SOX5: variants seen among roughly 807,000 people sequenced by gnomAD.
SOX5 encodes transcription factor SOX-5.
A neutral mutation model predicts 92.0 loss-of-function variants in SOX5; 9 were observed. That is an observed-to-expected ratio of 0.10 (90% CI 0.06 to 0.17). SOX5 has a LOEUF of 0.17. SOX5 is among the 10% of genes least tolerant of loss of function. SOX5 has a pLI of 1.00. For missense variants in SOX5, 642 were observed against 944.5 expected (o/e 0.68, Z 4.20); for synonymous variants, 344 against 336.3 (o/e 1.02, Z -0.25).
At chr12:24,484,660 G>A (rs541392800) in intron 1 of SOX5, among the ~76,000 whole-genome samples, 7 of 152,202 alleles carry the variant, frequency 4.6e-5, no homozygotes, top group African/African-American at 1.7e-4. Context: ...TTCCCAGTGG[G>A]AATTAACATT....
intron 5 of SOX5, among the ~76,000 whole-genome samples, chr12:23,739,685 A>G (rs1211359212): frequency 3.9e-5 from 6 of 152,140 alleles, no homozygotes; most frequent in Admixed American, 1.3e-4. Context: ...TACCACTGTA[A>G]ATTAAGGCCT....
At chr12:24,326,159 T>C (rs1467722764) in intron 2 of SOX5, among the ~76,000 whole-genome samples, 2 of 152,148 alleles carry the variant, frequency 1.3e-5, no homozygotes, top group Admixed American at 1.3e-4. Flanking sequence ...GGGTACCTAG[T>C]AAAACATTTG....
intron 8 of SOX5, 92 bp from the exon 9 acceptor site, chr12:23,604,625 T>A: frequency 7.9e-7 from 1 of 1,266,962 alleles, no homozygotes; most frequent in East Asian, 2.4e-5. Flanking sequence ...AGATATGGTA[T>A]TTTTCCTATG....
intron 8 of SOX5, among the ~76,000 whole-genome samples, chr12:23,636,258 C>A (rs1440185274): frequency 6.6e-6 from 1 of 152,062 alleles, no homozygotes; most frequent in Admixed American, 6.6e-5. Context: ...CATTAAATAA[C>A]AAATATATAT....
chr12:23,715,443 C>A (rs561380194), intron 6 of SOX5, among the ~76,000 whole-genome samples: 1 of 152,194 alleles, frequency 6.6e-6, no homozygotes, highest in East Asian at 1.9e-4. Context: ...AATAGAGAAA[C>A]TTAATGTTTA....
intron 1 of SOX5, among the ~76,000 whole-genome samples, chr12:24,536,308 C>CTAGCACA (rs1845650333): frequency 6.6e-6 from 1 of 152,188 alleles, no homozygotes; most frequent in Non-Finnish European, 1.5e-5. Context: ...GGGGAACCAG[C>CTAGCACA]AGTGTGCTAG....
intron 1 of SOX5, among the ~76,000 whole-genome samples, chr12:24,554,772 G>T (rs529377985): frequency 1.3e-5 from 2 of 152,170 alleles, no homozygotes; most frequent in African/African-American, 4.8e-5. Context: ...GTCTGACTGA[G>T]TCTAAATGAC....
intron 1 of SOX5, among the ~76,000 whole-genome samples, chr12:24,426,946 C>A (rs189359549): frequency 3.3e-5 from 5 of 152,122 alleles, no homozygotes; most frequent in Admixed American, 3.3e-4. Context: ...TGCCCTACTA[C>A]CCAAGCACCT....
At chr12:24,263,527 C>CAAAAAAAAAAAAAAA (rs386375915) in intron 3 of SOX5, among the ~76,000 whole-genome samples, 4 of 63,224 alleles carry the variant, frequency 6.3e-5, no homozygotes, top group African/African-American at 6.1e-5. Context: ...GACTCCGTCT[C>CAAAAAAAAAAAAAAA]AAAAAAAAAA....
At position 24,277,215 on chromosome 12, in the gene SOX5, C is replaced by T. The variant is rs567486546; in HGVS notation, c.-77+1G>A. 2.6e-5 allele frequency: 4 copies of T among 151,632 alleles called. No individual in the cohort carries two copies. Among genetic ancestry groups the T allele is most frequent in the Admixed American group, 6.6e-5 (1 of 15,220 alleles). 9.4% of individuals were successfully genotyped at this position (151,632 alleles called of 1,614,324 possible). A position where few individuals can be genotyped will look rare whatever the true frequency, so the allele number is the denominator to read the frequency against. ...TGTTATTATGTGTTTTATGAATATA[C>T]CTTTTTCCTACCCAGTGCAGTGCCA... On this transcript the variant is annotated splice_donor_variant, in intron 3 of 4. Transcript: ENST00000446891. LOFTEE classifies it low-confidence loss of function (5UTR_SPLICE).
chr12:23,606,212 T>C (rs1301287656), intron 8 of SOX5, among the ~76,000 whole-genome samples: 1 of 151,872 alleles, frequency 6.6e-6, no homozygotes, highest in Non-Finnish European at 1.5e-5. Flanking sequence ...TCCTAGGATA[T>C]CACTTTACAG....
chr12:24,320,714 A>G (rs1950127145), intron 2 of SOX5, among the ~76,000 whole-genome samples: 1 of 151,808 alleles, frequency 6.6e-6, no homozygotes, highest in Non-Finnish European at 1.5e-5. Context: ...AAATACAAAA[A>G]ATTAGCAGGG....
intron 4 of SOX5, among the ~76,000 whole-genome samples, chr12:24,012,022 G>A (rs978173887): frequency 1.3e-5 from 2 of 152,060 alleles, no homozygotes; most frequent in Non-Finnish European, 2.9e-5. Flanking sequence ...AACAGTTAGA[G>A]GTCCATGCGT....
chr12:23,801,389 T>C (rs1199932087), intron 3 of SOX5, among the ~76,000 whole-genome samples: 3 of 149,282 alleles, frequency 2.0e-5, no homozygotes, highest in African/African-American at 7.7e-5. Flanking sequence ...AAACCTGCAG[T>C]TTTTTAAAGG....
At chr12:23,785,348 G>A (rs896108891) in intron 3 of SOX5, among the ~76,000 whole-genome samples, 1 of 152,054 alleles carries the variant, frequency 6.6e-6, no homozygotes, top group East Asian at 1.9e-4. Context: ...TTGGTTTGTT[G>A]TTATAGGATT....
intron 2 of SOX5, among the ~76,000 whole-genome samples, chr12:24,366,503 C>CTGAA (rs1956184963): frequency 6.6e-6 from 1 of 152,110 alleles, no homozygotes; most frequent in Admixed American, 6.6e-5. Flanking sequence ...AAGTCAGAGA[C>CTGAA]TGAAGCTGTA....
At chr12:24,263,277 C>T (rs1305912195) in intron 3 of SOX5, among the ~76,000 whole-genome samples, 1 of 151,738 alleles carries the variant, frequency 6.6e-6, no homozygotes, top group Non-Finnish European at 1.5e-5. Flanking sequence ...CCTGTAATCC[C>T]AGCACTTTGG....
At position 23,875,026 on chromosome 12, in the gene SOX5, C is replaced by T. The variant is rs80275756; in HGVS notation, c.270+20767G>A. Among the ~76,000 whole-genome samples, 792 of 152,268 alleles carry T rather than the reference C, an allele frequency of 5.2e-3. 4 individuals are homozygous for T. Among genetic ancestry groups the T allele is most frequent in the Non-Finnish European group, 8.4e-3 (571 of 68,020 alleles). The stretch of plus-strand genomic sequence containing the variant: ...AATTTAAGAATAGGTCTTCAACTTC[C>T]ATTGTGTTTCCTAGTGCTGGCCCAA... On this transcript the variant is annotated intron_variant, in intron 2 of 14. Coordinates refer to ENST00000451604, the MANE Select transcript of SOX5 (RefSeq NM_006940.6).
chr12:23,691,744 T>C (rs2088857667), intron 6 of SOX5, among the ~76,000 whole-genome samples: 1 of 152,206 alleles, frequency 6.6e-6, no homozygotes, highest in Non-Finnish European at 1.5e-5. Context: ...TATGTGTGTC[T>C]TTATTAGTGG....
Sources: gnomAD v4.1 joint callset for allele counts (sites outside exome capture counted in the v4.1 genomes callset) on GRCh38, gnomAD v4.1.1 for gene constraint, MANE v1.5 for transcripts, NCBI Gene and HGNC (gene_info 2026-07-23, HGNC 2026-07-21) for gene names.